Variants in CYTH3 observed in about 807,000 individuals in gnomAD.
CYTH3 encodes cytohesin 3, also known as cytohesin-3.
CYTH3 carries 23 observed loss-of-function variants against 55.1 expected under a neutral mutation model. The ratio of observed to expected loss-of-function variants is 0.42; its 90% CI spans 0.30 to 0.59. The LOEUF is 0.59. Ranked by LOEUF, CYTH3 falls within the 20% of genes least tolerant of loss-of-function variation. The probability of loss-of-function intolerance (pLI) is 0.20; values close to 1 mark genes in which losing one functional copy is unlikely to be tolerated. For synonymous variants in CYTH3, 249 were observed against 194.9 expected, an observed-to-expected ratio of 1.28 and a Z score of -2.31; for missense variants, 413 against 524.8, an observed-to-expected ratio of 0.79 and a Z score of 2.08.
At chr7:6,223,836 T>TAA (rs58813864) in intron 1 of CYTH3, among the ~76,000 whole-genome samples, 40 of 24,314 alleles carry the variant, frequency 1.6e-3, no homozygotes, top group Non-Finnish European at 2.7e-3. Context: ...CAATAAATAC[T>TAA]AAAAAAAAAA....
At chr7:6,173,355 G>A (rs1208882877) in intron 6 of CYTH3, among the ~76,000 whole-genome samples, 1 of 152,142 alleles carries the variant, frequency 6.6e-6, no homozygotes, top group African/African-American at 2.4e-5. Context: ...ACAGAGCTTG[G>A]GAACAAGGCA....
At position 6,186,999 on chromosome 7, in the gene CYTH3, A is replaced by T. The variant is rs747376229; in HGVS notation, c.249+51T>A. ...TGTCCAAAAGGGAAACGGCAGTTCAAATCAATTAGTCCATCTCCTGCAGGC... is the reference window on the plus strand; with the variant it reads ...TGTCCAAAAGGGAAACGGCAGTTCATATCAATTAGTCCATCTCCTGCAGGC... On this transcript the variant is annotated intron_variant, in intron 4 of 12. Coordinates refer to ENST00000350796, the MANE Select transcript of CYTH3 (RefSeq NM_004227.4). 4 of 1,576,750 alleles carry T rather than the reference A, an allele frequency of 2.5e-6. No individual in the cohort carries two copies. The East Asian group carries it at 8.9e-5, about 35-fold the overall frequency.
chr7:6,259,994 C>T (rs1471325598), intron 1 of CYTH3, among the ~76,000 whole-genome samples: 1 of 147,934 alleles, frequency 6.8e-6, no homozygotes, highest in Non-Finnish European at 1.5e-5. Flanking sequence ...CCACACCAGG[C>T]TAATTTTGTA....
intron 1 of CYTH3, among the ~76,000 whole-genome samples, chr7:6,242,909 A>C (rs1779711816): frequency 6.6e-6 from 1 of 152,114 alleles, no homozygotes; most frequent in Non-Finnish European, 1.5e-5. Context: ...GTGAGGCTGC[A>C]CAGAGGCCTG....
At chr7:6,213,783 C>T (rs921383163) in intron 1 of CYTH3, among the ~76,000 whole-genome samples, 1 of 151,836 alleles carries the variant, frequency 6.6e-6, no homozygotes, top group African/African-American at 2.4e-5. Flanking sequence ...TAACACTGTT[C>T]CTTGGAAGCC....
At chr7:6,222,231 G>A (rs1784568075) in intron 1 of CYTH3, among the ~76,000 whole-genome samples, 1 of 152,196 alleles carries the variant, frequency 6.6e-6, no homozygotes, top group Non-Finnish European at 1.5e-5. Context: ...AGGCAGAGAT[G>A]TCAAGGGACA....
At chr7:6,208,519 C>T (rs1406878450) in intron 1 of CYTH3, among the ~76,000 whole-genome samples, 4 of 151,546 alleles carry the variant, frequency 2.6e-5, no homozygotes, top group African/African-American at 9.8e-5. Context: ...TACTTCATTC[C>T]AATCATTCAT....
At chr7:6,204,126 CATT>C (rs1295259496) in intron 1 of CYTH3, among the ~76,000 whole-genome samples, 1 of 151,814 alleles carries the variant, frequency 6.6e-6, no homozygotes, top group East Asian at 1.9e-4. Flanking sequence ...GAGAAGGATT[CATT>C]GCCCCTGGTT....
intron 1 of CYTH3, among the ~76,000 whole-genome samples, chr7:6,213,019 G>A (rs561732549): frequency 3.7e-4 from 57 of 152,186 alleles, no homozygotes; most frequent in Non-Finnish European, 7.2e-4. Context: ...ACCTAGAAGT[G>A]CCATGTATTA....
intron 4 of CYTH3, among the ~76,000 whole-genome samples, chr7:6,180,834 C>T (rs1367353651): frequency 6.6e-6 from 1 of 152,192 alleles, no homozygotes; most frequent in African/African-American, 2.4e-5. Flanking sequence ...AGGTGTGGGT[C>T]TCAATCCAAA....
In CYTH3 at chr7:6,161,929, A is replaced by G. The variant is rs1304325045; in HGVS notation, c.*3015T>C. The G allele has an allele frequency of 6.6e-6, 1 of 152,634 alleles. No homozygotes were observed. The highest frequency in any genetic ancestry group is 2.4e-5 in the African/African-American group (1 of 41,430). The allele number at this position is 152,634 out of a possible 1,614,324, so 9.5% of individuals were successfully genotyped here. A position where few individuals can be genotyped will look rare whatever the true frequency, so the allele number is the denominator to read the frequency against. On this transcript the variant is annotated 3_prime_UTR_variant, in exon 13 of 13. Coordinates refer to ENST00000350796, the MANE Select transcript of CYTH3 (RefSeq NM_004227.4). Reference sequence around the variant, plus strand: ...GCTGTGGGAGTATATACATCATTGAATAACAGACACTCCAGAAATCAACAG... The same window carrying G: ...GCTGTGGGAGTATATACATCATTGAGTAACAGACACTCCAGAAATCAACAG...
intron 1 of CYTH3, among the ~76,000 whole-genome samples, chr7:6,246,961 G>T (rs188475401): frequency 6.6e-6 from 1 of 152,130 alleles, no homozygotes. Context: ...ATATATCCAT[G>T]AACAAGTTTT....
intron 2 of CYTH3, among the ~76,000 whole-genome samples, chr7:6,190,086 G>C (rs1256993628): frequency 1.3e-5 from 2 of 152,136 alleles, no homozygotes; most frequent in Non-Finnish European, 2.9e-5. Context: ...GTTAACGAAA[G>C]AGGGTCTCAG....
At chr7:6,196,199 G>T (rs1470823881) in intron 1 of CYTH3, among the ~76,000 whole-genome samples, 1 of 152,120 alleles carries the variant, frequency 6.6e-6, no homozygotes, top group Non-Finnish European at 1.5e-5. Context: ...ACATTTTACT[G>T]TGATCGGCTA....
At chr7:6,195,807 T>C (rs541570738) in intron 1 of CYTH3, among the ~76,000 whole-genome samples, 3 of 152,154 alleles carry the variant, frequency 2.0e-5, no homozygotes, top group Admixed American at 6.6e-5. Flanking sequence ...GTCTAATGAT[T>C]CTTTCCCAGG....
intron 1 of CYTH3, among the ~76,000 whole-genome samples, chr7:6,208,521 A>G (rs555523437): frequency 2.8e-4 from 43 of 151,470 alleles, no homozygotes; most frequent in African/African-American, 1.0e-3. Flanking sequence ...CTTCATTCCA[A>G]TCATTCATTC....
intron 1 of CYTH3, among the ~76,000 whole-genome samples, chr7:6,250,344 C>T (rs1779930406): frequency 6.6e-6 from 1 of 152,164 alleles, no homozygotes; most frequent in Non-Finnish European, 1.5e-5. Flanking sequence ...TAAACTTCAA[C>T]CTTTTCAATA....
At chr7:6,256,212 C>A (rs1429169206) in intron 1 of CYTH3, among the ~76,000 whole-genome samples, 1 of 152,200 alleles carries the variant, frequency 6.6e-6, no homozygotes, top group African/African-American at 2.4e-5. Flanking sequence ...CAAGATAAAA[C>A]CGCCTACAGC....
intron 1 of CYTH3, among the ~76,000 whole-genome samples, chr7:6,223,836 TAAAAAAAAAAAA>T (rs58813864): frequency 2.9e-4 from 7 of 24,314 alleles, no homozygotes; most frequent in Non-Finnish European, 5.4e-4. Context: ...CAATAAATAC[TAAAAAAAAAAAA>T]AAAAAAAAAA....
Sources: gnomAD v4.1 joint callset for allele counts (sites outside exome capture counted in the v4.1 genomes callset) on GRCh38, gnomAD v4.1.1 for gene constraint, MANE v1.5 for transcripts, NCBI Gene and HGNC (gene_info 2026-07-23, HGNC 2026-07-21) for gene names.